Variants in INPP4A observed in about 807,000 individuals in gnomAD.
INPP4A encodes inositol polyphosphate-4-phosphatase, type I, 107kD.
In INPP4A, 33 loss-of-function variants were observed where a neutral mutation model predicts 119.8. The ratio of observed to expected loss-of-function variants is 0.28; its 90% CI spans 0.21 to 0.37. The LOEUF is 0.37. Ranked by LOEUF, INPP4A falls within the 10% of genes least tolerant of loss-of-function variation. INPP4A has a pLI of 1.00. For synonymous variants in INPP4A, 496 were observed against 500.7 expected, an observed-to-expected ratio of 0.99 and a Z score of 0.12; for missense variants, 956 against 1,289.9, an observed-to-expected ratio of 0.74 and a Z score of 3.97.
intron 13 of INPP4A, chr2:98,552,561 A>G (rs1191044197): frequency 4.4e-6 from 3 of 674,854 alleles, no homozygotes; most frequent in South Asian, 1.5e-5. Context: ...ATGCAAATAC[A>G]GATAAAAGAC....
intron 18 of INPP4A, among the ~76,000 whole-genome samples, chr2:98,564,423 C>T (rs1192512908): frequency 1.7e-4 from 26 of 152,340 alleles, no homozygotes. Context: ...AAACCAAACC[C>T]ACTTGGTGAG....
At chr2:98,567,355 T>A (rs77806533) in intron 21 of INPP4A, among the ~76,000 whole-genome samples, 65 of 152,256 alleles carry the variant, frequency 4.3e-4, no homozygotes, top group African/African-American at 1.5e-3. Context: ...ACTGAGCTCA[T>A]AAACTGGCAG....
At chr2:98,584,585 C>A (rs1037491567) in intron 24 of INPP4A, among the ~76,000 whole-genome samples, 1 of 152,256 alleles carries the variant, frequency 6.6e-6, no homozygotes, top group African/African-American at 2.4e-5. Flanking sequence ...TGATTGTCAC[C>A]ACACCTTTCT....
intron 1 of INPP4A, among the ~76,000 whole-genome samples, chr2:98,490,088 G>T (rs555841616): frequency 6.6e-6 from 1 of 151,920 alleles, no homozygotes; most frequent in African/African-American, 2.4e-5. Context: ...CCGGGTCTGG[G>T]TGTGCCTCTC....
At chr2:98,455,110 A>G (rs943734099) in intron 1 of INPP4A, among the ~76,000 whole-genome samples, 9 of 152,198 alleles carry the variant, frequency 5.9e-5, no homozygotes, top group Non-Finnish European at 1.0e-4. Flanking sequence ...AGGCCAAGGC[A>G]GGAGGATCTC....
chr2:98,444,676 G>A (rs111228192), upstream of INPP4A, among the ~76,000 whole-genome samples: 1,582 of 152,322 alleles, frequency 0.01, 44 homozygotes, highest in African/African-American at 0.036. Flanking sequence ...CACAGGATAG[G>A]GTGGGATCTT....
chr2:98,487,311 C>T (rs142345649), intron 1 of INPP4A, among the ~76,000 whole-genome samples: 158 of 152,336 alleles, frequency 1.0e-3, no homozygotes, highest in African/African-American at 3.6e-3. Context: ...TCTCCCTAGG[C>T]TCCTTGTGGT....
In INPP4A at chr2:98,529,286, A is replaced by G. The variant is rs560351439; in HGVS notation, c.152-4091A>G. On this transcript the variant is annotated intron_variant, in intron 4 of 24. Coordinates refer to ENST00000409851, the MANE Select transcript of INPP4A (RefSeq NM_001134225.2). ...TTGTATGATTCCACTTATATGAAAT[A>G]TATGGACTAGACAAATCTATATAGA... 2.6e-5 allele frequency among the ~76,000 whole-genome samples: 4 copies of G among 152,318 alleles called. No homozygotes were observed. The South Asian group carries it at 8.3e-4, about 32-fold the overall frequency.
At chr2:98,559,529 C>A in intron 17 of INPP4A, 34 bp downstream of exon 17, 1 of 1,605,042 alleles carries the variant, frequency 6.2e-7, no homozygotes, top group Non-Finnish European at 8.5e-7. Context: ...CCTGCTGATG[C>A]CCTTTTAATT....
intron 4 of INPP4A, among the ~76,000 whole-genome samples, chr2:98,523,825 C>T (rs1388448619): frequency 6.6e-6 from 1 of 152,112 alleles, no homozygotes; most frequent in Non-Finnish European, 1.5e-5. Context: ...GAAAATGTTG[C>T]AGAGAGGTAG....
At chr2:98,584,396 A>T (rs1440370714) in intron 24 of INPP4A, among the ~76,000 whole-genome samples, 1 of 152,240 alleles carries the variant, frequency 6.6e-6, no homozygotes, top group Non-Finnish European at 1.5e-5. Flanking sequence ...GGCAGAGCCC[A>T]TGCACAGAGG....
intron 23 of INPP4A, among the ~76,000 whole-genome samples, chr2:98,576,492 G>A (rs1236827788): frequency 6.6e-6 from 1 of 152,204 alleles, no homozygotes; most frequent in Non-Finnish European, 1.5e-5. Context: ...CTGTTCAGGT[G>A]AAAGAGGAGA....
chr2:98,472,691 A>G (rs1466563596), intron 1 of INPP4A, among the ~76,000 whole-genome samples: 2 of 152,238 alleles, frequency 1.3e-5, no homozygotes, highest in Admixed American at 1.3e-4. Flanking sequence ...AAATCTGTGC[A>G]TCCTCAGTAG....
intron 1 of INPP4A, among the ~76,000 whole-genome samples, chr2:98,462,726 G>A (rs1050455993): frequency 2.6e-5 from 4 of 151,786 alleles, no homozygotes; most frequent in Non-Finnish European, 4.4e-5. Context: ...TGGCTATGTT[G>A]CCTAGGCTGG....
Position 98,581,657 on chromosome 2 carries a change from C to T in INPP4A, c.2786+4514C>T, listed in dbSNP as rs764746542. ...GAGACTTAAGGCTAGACCCCAGCCT[C>T]CTCTGTTCCATCCCTTTATTAGCTC... is the stretch of plus-strand genomic sequence containing the variant. On this transcript the variant is annotated intron_variant, in intron 24 of 24. Transcript: ENST00000409851. 13 of 1,599,092 alleles carry T rather than the reference C, an allele frequency of 8.1e-6. No individual in the cohort carries two copies. The African/African-American group carries it at 1.5e-4, about 18-fold the overall frequency.
chr2:98,469,251 C>A (rs1675458892), intron 1 of INPP4A, among the ~76,000 whole-genome samples: 1 of 152,140 alleles, frequency 6.6e-6, no homozygotes, highest in Non-Finnish European at 1.5e-5. Flanking sequence ...GTAATCCCGG[C>A]ACTTTGGGAG....
chr2:98,544,043 GCGCA>G lies in INPP4A; in HGVS notation c.949+38_949+41del. ...CCCCATGCTGTCACCACACACGCGT[GCGCA>G]CACACACACACACACACTCTCACTC... On this transcript the variant is annotated intron_variant, in intron 11 of 24. Transcript: ENST00000409851. 5 of 1,520,012 alleles carry G rather than the reference GCGCA, an allele frequency of 3.3e-6. No individual in the cohort carries two copies. The South Asian group carries it at 3.7e-5, about 11-fold the overall frequency. The allele number at this position is 1,520,012 out of a possible 1,614,324, so 94.2% of individuals were successfully genotyped here.
chr2:98,454,801 A>G (rs1242003600), intron 1 of INPP4A, among the ~76,000 whole-genome samples: 3 of 150,474 alleles, frequency 2.0e-5, no homozygotes, highest in African/African-American at 7.3e-5. Context: ...CACTCTGTAA[A>G]CTCTTAGTCA....
At chr2:98,499,238 G>A (rs1036791699) in intron 1 of INPP4A, among the ~76,000 whole-genome samples, 2 of 152,198 alleles carry the variant, frequency 1.3e-5, no homozygotes, top group African/African-American at 4.8e-5. Flanking sequence ...TTGTGAGCAC[G>A]GTGATACAGG....
Sources: gnomAD v4.1 joint callset for allele counts (sites outside exome capture counted in the v4.1 genomes callset) on GRCh38, gnomAD v4.1.1 for gene constraint, MANE v1.5 for transcripts, NCBI Gene and HGNC (gene_info 2026-07-23, HGNC 2026-07-21) for gene names.